SOX4: variants seen among roughly 807,000 people sequenced by gnomAD.
The protein encoded by SOX4 is SRY-box transcription factor 4.
For missense variants in SOX4, 662 were observed against 694.9 expected, an observed-to-expected ratio of 0.95 and a Z score of 0.53; for synonymous variants, 465 against 348.4, an observed-to-expected ratio of 1.33 and a Z score of -3.73.
In SOX4 at chr6:21,595,126, A is replaced by G; in HGVS notation, c.592A>G (p.Ser198Gly). The change falls in exon 1 of 1, where the codon AGC (serine) becomes GGC (glycine). Residue 198 changes from serine (S) to glycine (G), a missense_variant. Transcript: ENST00000244745. The stretch of plus-strand genomic sequence containing the variant: ...CAACTCCAAACCGGCGCAGAAAAAG[A>G]GCTGCGGCTCCAAAGTGGCGGGCGG... The part of the protein sequence containing the change: ...GANSKPAQKK[S>G]CGSKVAGGAG... The G allele has an allele frequency of 7.3e-7, 1 of 1,366,252 alleles. No homozygotes were observed. The highest frequency in any genetic ancestry group is 3.8e-5 in the Admixed American group (1 of 26,272). The allele number at this position is 1,366,252 out of a possible 1,614,324, so 84.6% of individuals were successfully genotyped here. A position where few individuals can be genotyped will look rare whatever the true frequency, so the allele number is the denominator to read the frequency against.
rs1197143817 is a variant in SOX4 at position 21,595,349 on chromosome 6, C to T, written c.815C>T (p.Ser272Phe). 12 of 1,515,786 alleles carry T rather than the reference C, an allele frequency of 7.9e-6. No homozygotes were observed. The African/African-American group carries it at 1.3e-4, about 16-fold the overall frequency. The allele number at this position is 1,515,786 out of a possible 1,614,324, so 93.9% of individuals were successfully genotyped here. ...ACTCCCAGCGCCTCGGCCTCCGCCT[C>T]CTCGGCAGCCTCGGCCTCCGCAGCG... ...ARTPSASASA[S>F]SAASASAALA... Residue 272 changes from serine (S) to phenylalanine (F), a missense_variant, in exon 1 of 1, where the codon TCC becomes TTC. Transcript: ENST00000244745.
chr6:21,596,136 G>C lies in SOX4; in HGVS notation c.*177G>C. ...TCGTCGGATCAAGGAGCGCGGCGGC[G>C]TTTTGGACCCGCGCTCCCATCCCCC... On this transcript the variant is annotated 3_prime_UTR_variant, in exon 1 of 1. Transcript: ENST00000244745. 9.1e-7 allele frequency: 1 copy of C among 1,100,168 alleles called. No homozygotes were observed. The highest frequency in any genetic ancestry group is 1.2e-6 in the Non-Finnish European group (1 of 823,736). The allele number at this position is 1,100,168 out of a possible 1,614,324, so 68.2% of individuals were successfully genotyped here. A position where few individuals can be genotyped will look rare whatever the true frequency, so the allele number is the denominator to read the frequency against.
Position 21,598,322 on chromosome 6 carries a change from T to C in SOX4, c.*2363T>C, listed in dbSNP as rs1264805709. The C allele has an allele frequency of 1.8e-5, 3 of 167,146 alleles. No homozygotes were observed. The allele number at this position is 167,146 out of a possible 1,614,324, so 10.4% of individuals were successfully genotyped here. Reference sequence around the variant, plus strand: ...GTCTGTATTATAATAAGCAAAAAGATTGTGTGTATGTATGTTTAATATAAC... The same window carrying C: ...GTCTGTATTATAATAAGCAAAAAGACTGTGTGTATGTATGTTTAATATAAC... On this transcript the variant is annotated 3_prime_UTR_variant, in exon 1 of 1. Coordinates refer to ENST00000244745, the MANE Select transcript of SOX4 (RefSeq NM_003107.3).
Position 21,595,179 on chromosome 6 carries a change from C to A in SOX4, c.645C>A (p.His215Gln). 7.9e-7 allele frequency: 1 copy of A among 1,266,892 alleles called. No homozygotes were observed. Among genetic ancestry groups the A allele is most frequent in the Non-Finnish European group, 9.9e-7 (1 of 1,012,598 alleles). The allele number at this position is 1,266,892 out of a possible 1,614,324, so 78.5% of individuals were successfully genotyped here. ...GGAGGGVSKP[H>Q]AKLILAGGGG... The stretch of plus-strand genomic sequence containing the variant: ...CGGGCGGTGGGGTTAGCAAACCGCA[C>A]GCCAAGCTCATCCTGGCAGGCGGCG... Residue 215 changes from histidine to glutamine, a missense_variant, in exon 1 of 1, where the codon CAC becomes CAA. His to Gln is a conservative substitution (Grantham distance 24). Coordinates refer to ENST00000244745, the MANE Select transcript of SOX4 (RefSeq NM_003107.3).
chr6:21,595,940 A>ACCTGGT lies in SOX4; in HGVS notation c.1407_1412dup (p.Leu470_Val471dup). On this transcript the variant is annotated inframe_insertion, in exon 1 of 1. Coordinates refer to ENST00000244745, the MANE Select transcript of SOX4 (RefSeq NM_003107.3). Reference sequence around the variant, plus strand: ...GACTGGCTCGAGTCCAGCATCTCCAACCTGGTTTTCACCTACTGAAGGGCG... The same window carrying ACCTGGT: ...GACTGGCTCGAGTCCAGCATCTCCAACCTGGTCCTGGTTTTCACCTACTGAAGGGCG... 6.4e-7 allele frequency: 1 copy of ACCTGGT among 1,561,774 alleles called. No homozygotes were observed. Among genetic ancestry groups the ACCTGGT allele is most frequent in the Non-Finnish European group, 8.7e-7 (1 of 1,153,846 alleles).
Position 21,596,023 on chromosome 6 carries a change from AGAAAC to A in SOX4, c.*69_*73del, listed in dbSNP as rs1582603341. 7.0e-6 allele frequency: 10 copies of A among 1,438,522 alleles called. No individual in the cohort carries two copies. The highest frequency in any genetic ancestry group is 1.5e-5 in the African/African-American group (1 of 68,826). 89.1% of individuals were successfully genotyped at this position (1,438,522 alleles called of 1,614,324 possible). A position where few individuals can be genotyped will look rare whatever the true frequency, so the allele number is the denominator to read the frequency against. On this transcript the variant is annotated 3_prime_UTR_variant, in exon 1 of 1. Coordinates refer to ENST00000244745, the MANE Select transcript of SOX4 (RefSeq NM_003107.3). ...AGAGGAGAAAAAAAAAGTGAAAAAA[AGAAAC>A]GAAAAGGACAGACGAAGAGTTTAAA...
At position 21,595,026 on chromosome 6, in the gene SOX4, C is replaced by T. The variant is rs1763104884; in HGVS notation, c.492C>T (p.Gly164=). The T allele has an allele frequency of 2.0e-6, 3 of 1,465,212 alleles. No individual in the cohort carries two copies. The highest frequency in any genetic ancestry group is 1.5e-5 in the African/African-American group (1 of 68,572). 90.8% of individuals were successfully genotyped at this position (1,465,212 alleles called of 1,614,324 possible). Residue 164 remains glycine, a synonymous_variant, in exon 1 of 1, where the codon GGC becomes GGT. Coordinates refer to ENST00000244745, the MANE Select transcript of SOX4 (RefSeq NM_003107.3). ...ACAAGGTCGGTGGCAGTGGCGGGGGCGGCCATGGGGGCGGCGGCGGCGGCG... is the reference window on the plus strand; with the variant it reads ...ACAAGGTCGGTGGCAGTGGCGGGGGTGGCCATGGGGGCGGCGGCGGCGGCG... ...KGDKVGGSGG[G]GHGGGGGGGS...
Position 21,597,003 on chromosome 6 carries a change from A to G in SOX4, c.*1044A>G, listed in dbSNP as rs979957778. On this transcript the variant is annotated 3_prime_UTR_variant, in exon 1 of 1. Coordinates refer to ENST00000244745, the MANE Select transcript of SOX4 (RefSeq NM_003107.3). ...AAAGAAAAAAAAAGAAAAAAAAAAG[A>G]TTTTTTTCTTCTCTTAATCGGAATC... 9 of 166,004 alleles carry G rather than the reference A, an allele frequency of 5.4e-5. No homozygotes were observed. The highest frequency in any genetic ancestry group is 5.3e-4 in the Admixed American group (8 of 15,204). The allele number at this position is 166,004 out of a possible 1,614,324, so 10.3% of individuals were successfully genotyped here.
At position 21,596,032 on chromosome 6, in the gene SOX4, A is replaced by C; in HGVS notation, c.*73A>C. ...AAAAAAAGTGAAAAAAAGAAACGAA[A>C]AGGACAGACGAAGAGTTTAAAGAGA... On this transcript the variant is annotated 3_prime_UTR_variant, in exon 1 of 1. Transcript: ENST00000244745. The C allele has an allele frequency of 1.4e-6, 2 of 1,434,568 alleles. No homozygotes were observed. Among genetic ancestry groups the C allele is most frequent in the Non-Finnish European group, 1.8e-6 (2 of 1,093,562 alleles). The allele number at this position is 1,434,568 out of a possible 1,614,324, so 88.9% of individuals were successfully genotyped here.
In SOX4 at chr6:21,598,371, C is replaced by CT. The variant is rs1763217263; in HGVS notation, c.*2417dup. 1 of 167,016 alleles carries CT rather than the reference C, an allele frequency of 6.0e-6. No homozygotes were observed. The highest frequency in any genetic ancestry group is 2.1e-4 in the South Asian group (1 of 4,828). 10.3% of individuals were successfully genotyped at this position (167,016 alleles called of 1,614,324 possible). On this transcript the variant is annotated 3_prime_UTR_variant, in exon 1 of 1. Coordinates refer to ENST00000244745, the MANE Select transcript of SOX4 (RefSeq NM_003107.3). The stretch of plus-strand genomic sequence containing the variant: ...ACATGACAGGCACTAGGACGTCTGC[C>CT]TTTTTAAGGCAGTTCCGTTAAGGGT...
Position 21,598,410 on chromosome 6 carries a change from C to CTT in SOX4, c.*2458_*2459dup, listed in dbSNP as rs544262784. The CTT allele has an allele frequency of 6.0e-6, 1 of 166,736 alleles. No homozygotes were observed. Among genetic ancestry groups the CTT allele is most frequent in the Admixed American group, 6.6e-5 (1 of 15,240 alleles). 10.3% of individuals were successfully genotyped at this position (166,736 alleles called of 1,614,324 possible). A position where few individuals can be genotyped will look rare whatever the true frequency, so the allele number is the denominator to read the frequency against. ...TCCGTTAAGGGTTTTTGTTTTTAAA[C>CTT]TTTTTTTTGCCATCCATCCTGTGCA... On this transcript the variant is annotated 3_prime_UTR_variant, in exon 1 of 1. Coordinates refer to ENST00000244745, the MANE Select transcript of SOX4 (RefSeq NM_003107.3).
chr6:21,595,017 TGGCGGGGGCGGCCATGGGGGCGGC>T lies in SOX4; in HGVS notation c.489_512del (p.His166_Gly173del). On this transcript the variant is annotated inframe_deletion, in exon 1 of 1. Transcript: ENST00000244745. ...AGAAGGGAGACAAGGTCGGTGGCAG[TGGCGGGGGCGGCCATGGGGGCGGC>T]GGCGGCGGCGGGAGCAGCAACGCGG... 6.7e-7 allele frequency: 1 copy of T among 1,496,192 alleles called. No individual in the cohort carries two copies. The highest frequency in any genetic ancestry group is 8.9e-7 in the Non-Finnish European group (1 of 1,124,582). 92.7% of individuals were successfully genotyped at this position (1,496,192 alleles called of 1,614,324 possible).
Position 21,594,993 on chromosome 6 carries a change from G to A in SOX4, c.459G>A (p.Glu153=). 4 of 1,577,848 alleles carry A rather than the reference G, an allele frequency of 2.5e-6. No individual in the cohort carries two copies. Among genetic ancestry groups the A allele is most frequent in the South Asian group, 2.3e-5 (2 of 85,600 alleles). ...SSAAASSKPG[E]KGDKVGGSGG... is the part of the protein sequence containing the mutation. ...CCGCCGCCTCCTCCAAGCCGGGGGA[G>A]AAGGGAGACAAGGTCGGTGGCAGTG... Residue 153 remains glutamate (E), a synonymous_variant, in exon 1 of 1, where the codon GAG becomes GAA. Coordinates refer to ENST00000244745, the MANE Select transcript of SOX4 (RefSeq NM_003107.3).
In SOX4 at chr6:21,595,983, G is replaced by GC; in HGVS notation, c.*26dup. 2.7e-6 allele frequency: 4 copies of GC among 1,490,148 alleles called. No individual in the cohort carries two copies. Among genetic ancestry groups the GC allele is most frequent in the Non-Finnish European group, 3.6e-6 (4 of 1,116,606 alleles). The allele number at this position is 1,490,148 out of a possible 1,614,324, so 92.3% of individuals were successfully genotyped here. ...GAAGGGCGCGCAGGCAGGGAGAAGG[G>GC]CCGGGGGGGGTAGGAGAGGAGAAAA... is the stretch of plus-strand genomic sequence containing the variant. On this transcript the variant is annotated 3_prime_UTR_variant, in exon 1 of 1. Coordinates refer to ENST00000244745, the MANE Select transcript of SOX4 (RefSeq NM_003107.3).
Position 21,594,147 on chromosome 6 carries a change from G to T in SOX4, c.-388G>T. 2 of 178,122 alleles carry T rather than the reference G, an allele frequency of 1.1e-5. No homozygotes were observed. The highest frequency in any genetic ancestry group is 2.3e-5 in the Non-Finnish European group (2 of 86,370). 11.0% of individuals were successfully genotyped at this position (178,122 alleles called of 1,614,324 possible). On this transcript the variant is annotated 5_prime_UTR_variant, in exon 1 of 1. Transcript: ENST00000244745. ...AAAGAAAAAAAAAAAAAAAAGACTT[G>T]CCTGGGAGGCCGCGAGAAACTTGCA...
In SOX4 at chr6:21,595,152, C is replaced by T. The variant is rs1293582344; in HGVS notation, c.618C>T (p.Gly206=). The T allele has an allele frequency of 3.0e-6, 4 of 1,335,500 alleles. No homozygotes were observed. Among genetic ancestry groups the T allele is most frequent in the Non-Finnish European group, 3.8e-6 (4 of 1,051,780 alleles). The allele number at this position is 1,335,500 out of a possible 1,614,324, so 82.7% of individuals were successfully genotyped here. A position where few individuals can be genotyped will look rare whatever the true frequency, so the allele number is the denominator to read the frequency against. Residue 206 remains glycine (G), a synonymous_variant, in exon 1 of 1, where the codon GGC becomes GGT. Transcript: ENST00000244745. ...GCTGCGGCTCCAAAGTGGCGGGCGG[C>T]GCGGGCGGTGGGGTTAGCAAACCGC... The part of the protein sequence containing the change: ...KKSCGSKVAG[G]AGGGVSKPHA...
rs991811657 is a variant in SOX4 at position 21,597,461 on chromosome 6, C to A, written c.*1502C>A. The stretch of plus-strand genomic sequence containing the variant: ...TTTTCTTTTGTCCCTTTTTTTCTTT[C>A]CTTTCTTTTTACTTCCTTTATTTCT... On this transcript the variant is annotated 3_prime_UTR_variant, in exon 1 of 1. Coordinates refer to ENST00000244745, the MANE Select transcript of SOX4 (RefSeq NM_003107.3). 9 of 160,462 alleles carry A rather than the reference C, an allele frequency of 5.6e-5. No homozygotes were observed. Among genetic ancestry groups the A allele is most frequent in the African/African-American group, 1.2e-4 (5 of 40,324 alleles). 9.9% of individuals were successfully genotyped at this position (160,462 alleles called of 1,614,324 possible).
rs958601695 is a variant in SOX4 at position 21,595,863 on chromosome 6, C to T, written c.1329C>T (p.His443=). The T allele has an allele frequency of 1.2e-6, 2 of 1,610,942 alleles. No homozygotes were observed. The highest frequency in any genetic ancestry group is 1.3e-5 in the African/African-American group (1 of 74,826). Residue 443 remains histidine (H), a synonymous_variant, in exon 1 of 1, where the codon CAC becomes CAT. Transcript: ENST00000244745. ...DFNFEPGSGS[H]FEFPDYCTPE... ...ACTTCGAGCCCGGCTCCGGCTCGCA[C>T]TTCGAGTTCCCGGACTACTGCACGC...
At position 21,594,498 on chromosome 6, in the gene SOX4, G is replaced by A; in HGVS notation, c.-37G>A. 1 of 1,414,736 alleles carries A rather than the reference G, an allele frequency of 7.1e-7. No individual in the cohort carries two copies. The highest frequency in any genetic ancestry group is 9.1e-7 in the Non-Finnish European group (1 of 1,094,344). 87.6% of individuals were successfully genotyped at this position (1,414,736 alleles called of 1,614,324 possible). A position where few individuals can be genotyped will look rare whatever the true frequency, so the allele number is the denominator to read the frequency against. The stretch of plus-strand genomic sequence containing the variant: ...GCGATCGCGCGGCGGCCGCCGCGAG[G>A]GTGTGAGCGCGCGTGGGCGCCCGCC... On this transcript the variant is annotated 5_prime_UTR_variant, in exon 1 of 1. Coordinates refer to ENST00000244745, the MANE Select transcript of SOX4 (RefSeq NM_003107.3).
Sources: gnomAD v4.1 joint callset for allele counts on GRCh38, gnomAD v4.1.1 for gene constraint, MANE v1.5 for transcripts, NCBI Gene and HGNC (gene_info 2026-07-23, HGNC 2026-07-21) for gene names.